SGTB: variants seen among roughly 807,000 people sequenced by gnomAD.
SGTB encodes the protein small glutamine-rich tetratricopeptide repeat-containing protein beta.
Under a neutral mutation model 43.9 loss-of-function variants are expected in SGTB, and 19 were observed. The observed-to-expected ratio is 0.43, with a 90% CI of 0.30 to 0.63. SGTB has a LOEUF of 0.63. SGTB is among the 30% of genes least tolerant of loss of function. SGTB has a pLI of 0.12. For synonymous variants in SGTB, 116 were observed against 117.3 expected (o/e 0.99, Z 0.07); for missense variants, 304 against 358.9 (o/e 0.85, Z 1.24).
intron 4 of SGTB, among the ~76,000 whole-genome samples, chr5:65,707,438 A>T (rs1757955267): frequency 6.9e-6 from 1 of 145,646 alleles, no homozygotes; most frequent in African/African-American, 2.6e-5. Flanking sequence ...ACACACACAT[A>T]TATTTTTTTT....
At chr5:65,687,162 T>C (rs910020072) in intron 5 of SGTB, among the ~76,000 whole-genome samples, 4 of 151,908 alleles carry the variant, frequency 2.6e-5, no homozygotes, top group African/African-American at 9.7e-5. Flanking sequence ...GAAATAGGAG[T>C]TTAGTTCTAA....
At chr5:65,678,871 G>A (rs1177287833) in intron 8 of SGTB, among the ~76,000 whole-genome samples, 1 of 152,086 alleles carries the variant, frequency 6.6e-6, no homozygotes, top group African/African-American at 2.4e-5. Flanking sequence ...ACTTAAATGT[G>A]CAACTCAAAA....
intron 8 of SGTB, 111 bp from the exon 9 acceptor site, chr5:65,672,392 T>C (rs1022527588): frequency 7.5e-6 from 10 of 1,329,316 alleles, no homozygotes; most frequent in Non-Finnish European, 9.6e-6. Flanking sequence ...ACTAACATTT[T>C]GTAGAGTTTC....
chr5:65,722,246 C>T, upstream of SGTB: 2 of 563,766 alleles, frequency 3.5e-6, no homozygotes, highest in Middle Eastern at 5.0e-4. Context: ...GGGCGCTGGC[C>T]AGGCAGCCAC....
At chr5:65,693,048 T>C (rs1328229211) in intron 5 of SGTB, among the ~76,000 whole-genome samples, 2 of 151,818 alleles carry the variant, frequency 1.3e-5, no homozygotes, top group Non-Finnish European at 2.9e-5. Context: ...ATACTAAAAA[T>C]ACAAAAATTA....
At position 65,708,382 on chromosome 5, in the gene SGTB, T is replaced by A. The variant is rs1757978046; in HGVS notation, c.274+107A>T. The A allele has an allele frequency of 4.3e-6, 4 of 927,488 alleles. No homozygotes were observed. The East Asian group carries it at 1.0e-4, about 24-fold the overall frequency. The allele number at this position is 927,488 out of a possible 1,614,324, so 57.5% of individuals were successfully genotyped here. On this transcript the variant is annotated intron_variant, in intron 4 of 10. Transcript: ENST00000381007. ...GTTTCGTAATTGCCATGTGCACTTATGACAATCTAGTCTTGGTGGTGTAAT... is the reference window on the plus strand; with the variant it reads ...GTTTCGTAATTGCCATGTGCACTTAAGACAATCTAGTCTTGGTGGTGTAAT...
intron 3 of SGTB, among the ~76,000 whole-genome samples, chr5:65,709,199 T>C (rs963593547): frequency 2.6e-5 from 4 of 152,024 alleles, no homozygotes; most frequent in African/African-American, 9.7e-5. Context: ...TTAGTGAAAA[T>C]TTTGGAACAA....
intron 5 of SGTB, among the ~76,000 whole-genome samples, chr5:65,703,702 T>A (rs1379391825): frequency 6.6e-6 from 1 of 151,486 alleles, no homozygotes; most frequent in Admixed American, 6.6e-5. Flanking sequence ...CCAGCCTGGG[T>A]GACAAAGTGA....
At chr5:65,705,290 G>T (rs1168024773) in intron 4 of SGTB, among the ~76,000 whole-genome samples, 1 of 151,560 alleles carries the variant, frequency 6.6e-6, no homozygotes, top group Non-Finnish European at 1.5e-5. Context: ...TCAACAAAAA[G>T]AATAATTAAA....
chr5:65,684,831 G>T (rs1476699109), intron 6 of SGTB, among the ~76,000 whole-genome samples: 1 of 152,160 alleles, frequency 6.6e-6, no homozygotes, highest in African/African-American at 2.4e-5. Flanking sequence ...GGGATTACAG[G>T]CGTGAGTCAC....
At position 65,685,425 on chromosome 5, in the gene SGTB, T is replaced by G. The variant is rs1240882726; in HGVS notation, c.422A>C (p.Asp141Ala). 1.2e-6 allele frequency: 2 copies of G among 1,614,054 alleles called. No homozygotes were observed. Among genetic ancestry groups the G allele is most frequent in the East Asian group, 2.2e-5 (1 of 44,880 alleles). Residue 141 changes from aspartate to alanine, a missense_variant, in exon 6 of 11, where the codon GAT becomes GCT. Coordinates refer to ENST00000381007, the MANE Select transcript of SGTB (RefSeq NM_019072.3). ...ATCAATTGCTATTGCTTTTTCACAA[T>G]CCTTTATCGCATCTGTGTAGTGACC... ...KLGHYTDAIK[D>A]CEKAIAIDSK... is the part of the protein sequence containing the mutation.
At chr5:65,705,784 T>C (rs1489549754) in intron 4 of SGTB, among the ~76,000 whole-genome samples, 1 of 151,766 alleles carries the variant, frequency 6.6e-6, no homozygotes, top group Non-Finnish European at 1.5e-5. Context: ...TCCCAGCACT[T>C]TGGGAGGGCA....
At chr5:65,704,529 A>G (rs1307298625) in intron 4 of SGTB, 151 bp from the exon 5 acceptor site, 1 of 462,746 alleles carries the variant, frequency 2.2e-6, no homozygotes, top group Non-Finnish European at 3.7e-6. Context: ...ACATTGTACT[A>G]TAGAGTTGAT....
intron 2 of SGTB, among the ~76,000 whole-genome samples, chr5:65,713,600 G>T (rs1758090129): frequency 6.6e-6 from 1 of 152,130 alleles, no homozygotes; most frequent in Non-Finnish European, 1.5e-5. Flanking sequence ...TTATAGGCAT[G>T]AGCCACCACA....
At chr5:65,686,854 C>T (rs1173565570) in intron 5 of SGTB, among the ~76,000 whole-genome samples, 6 of 152,164 alleles carry the variant, frequency 3.9e-5, no homozygotes, top group African/African-American at 1.2e-4. Flanking sequence ...CCTTGCTAAT[C>T]CTCAATATTT....
chr5:65,686,555 C>T lies in SGTB; in HGVS notation c.375-1083G>A, dbSNP rs572386427. Among the ~76,000 whole-genome samples the T allele has an allele frequency of 7.3e-5, 11 of 150,860 alleles. 1 individual carries two copies. The East Asian group carries it at 9.7e-4, about 13-fold the overall frequency. On this transcript the variant is annotated intron_variant, in intron 5 of 10. Coordinates refer to ENST00000381007, the MANE Select transcript of SGTB (RefSeq NM_019072.3). ...TTCCTTTTTGTAGCAAACATGGTCT[C>T]GCTATATTGCCCAGGCAAGTCCTGA...
chr5:65,719,042 G>T (rs1358311262), intron 2 of SGTB, among the ~76,000 whole-genome samples: 3 of 152,070 alleles, frequency 2.0e-5, no homozygotes, highest in Admixed American at 6.6e-5. Context: ...AGAACAAAAA[G>T]ACCTTAATAT....
intron 5 of SGTB, among the ~76,000 whole-genome samples, chr5:65,689,097 A>C (rs1757553655): frequency 6.6e-6 from 1 of 152,260 alleles, no homozygotes. Context: ...GGCGTGAGCC[A>C]CCATGCCTGG....
At chr5:65,706,662 T>C (rs916845269) in intron 4 of SGTB, among the ~76,000 whole-genome samples, 3 of 151,786 alleles carry the variant, frequency 2.0e-5, no homozygotes, top group African/African-American at 7.3e-5. Context: ...TGAAACTCCA[T>C]CTCTATTAAA....
Sources: allele counts gnomAD v4.1 joint callset (sites outside exome capture counted in the v4.1 genomes callset), GRCh38; gene constraint gnomAD v4.1.1; transcripts MANE v1.5; gene names NCBI Gene and HGNC (gene_info 2026-07-23, HGNC 2026-07-21).